OPN4: variants seen among roughly 807,000 people sequenced by gnomAD.
OPN4 encodes opsin 4.
A neutral mutation model predicts 49.5 loss-of-function variants in OPN4; 43 were observed. The observed-to-expected ratio is 0.87, with a 90% confidence interval of 0.68 to 1.12. OPN4 has a LOEUF of 1.12. Among genes scored for constraint, OPN4 ranks in the 50% most tolerant of loss-of-function variants. The pLI is 0.00. For missense variants in OPN4, 657 were observed against 643.9 expected, an observed-to-expected ratio of 1.02 and a Z score of -0.22; for synonymous variants, 263 against 258.0, an observed-to-expected ratio of 1.02 and a Z score of -0.19.
At chr10:86,660,749 C>A (rs955240242) in intron 6 of OPN4, among the ~76,000 whole-genome samples, 4 of 152,182 alleles carry the variant, frequency 2.6e-5, no homozygotes, top group African/African-American at 9.7e-5. Context: ...ACCTGGGAAC[C>A]TCCACCCCAA....
At chr10:86,665,678 C>T (rs1331775735) in intron 9 of OPN4, 35 bp from the exon 10 acceptor site, 4 of 1,604,596 alleles carry the variant, frequency 2.5e-6, no homozygotes, top group Admixed American at 1.7e-5. Context: ...GTGAACTGCT[C>T]CTCAGCTAAA....
intron 2 of OPN4, 83 bp from the exon 3 acceptor site, chr10:86,657,949 A>C (rs1843909202): frequency 4.2e-6 from 6 of 1,424,240 alleles, no homozygotes; most frequent in East Asian, 2.3e-5. Context: ...GTGTGTGCAC[A>C]TGCATACCTG....
chr10:86,664,556 C>T (rs1371606752), intron 9 of OPN4, among the ~76,000 whole-genome samples: 1 of 152,204 alleles, frequency 6.6e-6, no homozygotes, highest in Non-Finnish European at 1.5e-5. Context: ...TCCCCATCTG[C>T]CCCTCCTGTC....
chr10:86,661,851 C>T (rs896591131), intron 7 of OPN4, among the ~76,000 whole-genome samples: 2 of 152,120 alleles, frequency 1.3e-5, no homozygotes, highest in African/African-American at 4.8e-5. Flanking sequence ...CTTCCTTTTG[C>T]CTGGTGATGT....
At chr10:86,657,357 A>T (rs1036202627) in intron 2 of OPN4, 61 of 680,362 alleles carry the variant, frequency 9.0e-5, no homozygotes, top group African/African-American at 6.7e-4. Context: ...CTCAGGGTAG[A>T]TGCAAAGATG....
intron 4 of OPN4, 61 bp downstream of exon 4, chr10:86,658,748 G>T (rs33921909): frequency 0.023 from 36,328 of 1,569,624 alleles, 813 homozygotes; most frequent in African/African-American, 0.11. Context: ...CATTCAAGGG[G>T]AAGTAGGTGG....
intron 1 of OPN4, 98 bp from the exon 2 acceptor site, chr10:86,656,057 C>G: frequency 6.6e-7 from 1 of 1,521,670 alleles, no homozygotes; most frequent in Non-Finnish European, 9.0e-7. Context: ...CCTCAGTTTT[C>G]CCACCTGCCC....
At chr10:86,656,340 G>A (rs1321764251) in intron 2 of OPN4, 40 bp downstream of exon 2, 2 of 1,554,560 alleles carry the variant, frequency 1.3e-6, no homozygotes, top group East Asian at 4.5e-5. Context: ...CACTGAGGGT[G>A]GCAGCCATGC....
Position 86,654,805 on chromosome 10 carries a change from A to G in OPN4, c.22A>G (p.Arg8Gly). MNPPSGP[R>G]VPPSPTQEPS... is the part of the protein sequence containing the mutation. ...CAGGATGAACCCTCCTTCGGGGCCA[A>G]GAGTCCCGCCCAGCCCAACCCAAGA... Residue 8 changes from arginine (R) to glycine (G), a missense_variant, in exon 1 of 10, where the codon AGA becomes GGA. Transcript: ENST00000241891. The G allele has an allele frequency of 7.4e-6, 12 of 1,612,626 alleles. No individual in the cohort carries two copies. The highest frequency in any genetic ancestry group is 1.3e-5 in the African/African-American group (1 of 75,036).
Position 86,654,641 on chromosome 10 carries a change from C to A in OPN4, c.-143C>A. 1.6e-6 allele frequency: 2 copies of A among 1,217,236 alleles called. No homozygotes were observed. Among genetic ancestry groups the A allele is most frequent in the Non-Finnish European group, 2.3e-6 (2 of 873,448 alleles). 75.4% of individuals were successfully genotyped at this position (1,217,236 alleles called of 1,614,324 possible). On this transcript the variant is annotated 5_prime_UTR_variant, in exon 1 of 10. Transcript: ENST00000241891. ...GAGCAGCTCCAGGCTGGATCTGCGC[C>A]GGACACAGGAGAAAGCAGCGGGTAG...
At chr10:86,656,029 T>A in intron 1 of OPN4, 126 bp from the exon 2 acceptor site, 1 of 1,224,138 alleles carries the variant, frequency 8.2e-7, no homozygotes, top group Non-Finnish European at 1.2e-6. Context: ...TGTGTGCAAC[T>A]GGCTTTGCCA....
At chr10:86,658,769 G>A in intron 4 of OPN4, 82 bp downstream of exon 4, 1 of 1,487,614 alleles carries the variant, frequency 6.7e-7, no homozygotes, top group Non-Finnish European at 9.2e-7. Context: ...ACTTGGGTCA[G>A]CCAGCTGGCG....
At chr10:86,655,132 AGAG>A (rs1369428194) in intron 1 of OPN4, among the ~76,000 whole-genome samples, 3 of 152,194 alleles carry the variant, frequency 2.0e-5, no homozygotes, top group Non-Finnish European at 4.4e-5. Context: ...TTCCTCATGG[AGAG>A]CATTCAAGGA....
chr10:86,659,214 G>T, intron 4 of OPN4, 83 bp from the exon 5 acceptor site: 2 of 1,124,124 alleles, frequency 1.8e-6, no homozygotes, highest in South Asian at 2.8e-5. Flanking sequence ...ATGGGGACCC[G>T]AATGCCACAT....
intron 6 of OPN4, among the ~76,000 whole-genome samples, chr10:86,660,818 C>T (rs1843985153): frequency 1.3e-5 from 2 of 152,032 alleles, no homozygotes; most frequent in Non-Finnish European, 2.9e-5. Flanking sequence ...CCCTCCTACT[C>T]ACTCAGATCA....
At chr10:86,658,397 T>C (rs1843920120) in intron 3 of OPN4, 87 bp from the exon 4 acceptor site, 6 of 1,455,474 alleles carry the variant, frequency 4.1e-6, no homozygotes, top group Middle Eastern at 1.7e-4. Flanking sequence ...TCAGTCCTGC[T>C]CTTCCTGTGA....
Position 86,657,369 on chromosome 10 carries a change from A to G in OPN4, c.291-663A>G. The G allele has an allele frequency of 4.6e-6, 3 of 658,272 alleles. No individual in the cohort carries two copies. In the Admixed American group the frequency reaches 6.5e-5, roughly 14 times the overall value. The allele number at this position is 658,272 out of a possible 1,614,324, so 40.8% of individuals were successfully genotyped here. A position where few individuals can be genotyped will look rare whatever the true frequency, so the allele number is the denominator to read the frequency against. On this transcript the variant is annotated intron_variant, in intron 2 of 9. Coordinates refer to ENST00000241891, the MANE Select transcript of OPN4 (RefSeq NM_033282.4). ...TCCCTCAGGGTAGATGCAAAGATGG[A>G]TGATGACAGGAGCCGAGGCTGGTGA...
At position 86,658,363 on chromosome 10, in the gene OPN4, G is replaced by A. The variant is rs936882828; in HGVS notation, c.425-121G>A. On this transcript the variant is annotated intron_variant, in intron 3 of 9. Coordinates refer to ENST00000241891, the MANE Select transcript of OPN4 (RefSeq NM_033282.4). Reference sequence around the variant, plus strand: ...CCTCTGCCAGCCTTGGCCAGATGTGGCAGGTGGAGGGGGTGGAGTGCGCTC... The same window carrying A: ...CCTCTGCCAGCCTTGGCCAGATGTGACAGGTGGAGGGGGTGGAGTGCGCTC... The A allele has an allele frequency of 3.0e-5, 38 of 1,266,254 alleles. No individual in the cohort carries two copies. In the Admixed American group the frequency reaches 7.0e-4, roughly 23 times the overall value. The allele number at this position is 1,266,254 out of a possible 1,614,324, so 78.4% of individuals were successfully genotyped here. A position where few individuals can be genotyped will look rare whatever the true frequency, so the allele number is the denominator to read the frequency against.
At position 86,659,344 on chromosome 10, in the gene OPN4, A is replaced by G. The variant is rs768478287; in HGVS notation, c.676A>G (p.Met226Val). The G allele has an allele frequency of 6.2e-7, 1 of 1,613,818 alleles. No homozygotes were observed. The highest frequency in any genetic ancestry group is 8.5e-7 in the Non-Finnish European group (1 of 1,180,018). The change falls in exon 5 of 10, where the codon ATG becomes GTG. Residue 226 changes from methionine to valine, a missense_variant. Met to Val is a conservative substitution (Grantham distance 21). Transcript: ENST00000241891. ...GCTGACATCCTGCTCCTGGGACTAC[A>G]TGAGCTTCACGCCGGCCGTGCGTGC... ...GLLTSCSWDY[M>V]SFTPAVRAYT... is the part of the protein sequence containing the mutation.
Sources: gnomAD v4.1 joint callset for allele counts (sites outside exome capture counted in the v4.1 genomes callset) on GRCh38, gnomAD v4.1.1 for gene constraint, MANE v1.5 for transcripts, NCBI Gene and HGNC (gene_info 2026-07-23, HGNC 2026-07-21) for gene names.